AUTS2: variants seen among roughly 807,000 people sequenced by gnomAD.
AUTS2 encodes activator of transcription and developmental regulator AUTS2.
Under a neutral mutation model 112.4 loss-of-function variants are expected in AUTS2, and 17 were observed. That is an observed-to-expected ratio of 0.15 (90% CI 0.10 to 0.23). The LOEUF is 0.23. Ranked by LOEUF, AUTS2 falls within the 10% of genes least tolerant of loss-of-function variation. The pLI is 1.00. For missense variants in AUTS2, 1,510 were observed against 1,701.6 expected, an observed-to-expected ratio of 0.89 and a Z score of 1.98; for synonymous variants, 751 against 702.7, an observed-to-expected ratio of 1.07 and a Z score of -1.09.
intron 4 of AUTS2, among the ~76,000 whole-genome samples, chr7:70,379,776 C>A (rs887079133): frequency 1.3e-5 from 2 of 152,168 alleles, no homozygotes; most frequent in Admixed American, 1.3e-4. Context: ...CAGACTTGGT[C>A]TATTATGACA....
At chr7:70,298,572 T>C (rs1306176229) in intron 4 of AUTS2, among the ~76,000 whole-genome samples, 1 of 152,170 alleles carries the variant, frequency 6.6e-6, no homozygotes, top group African/African-American at 2.4e-5. Context: ...AGAGATAAAG[T>C]CCCAAGATAT....
chr7:70,265,014 G>A (rs374262558), intron 4 of AUTS2, among the ~76,000 whole-genome samples: 5 of 152,102 alleles, frequency 3.3e-5, no homozygotes, highest in East Asian at 3.9e-4. Context: ...AGAGTTCAAG[G>A]CATTCCCCTT....
In AUTS2 at chr7:70,314,899, A is replaced by G. The variant is rs547072197; in HGVS notation, c.661-120853A>G. On this transcript the variant is annotated intron_variant, in intron 4 of 18. Coordinates refer to ENST00000342771, the MANE Select transcript of AUTS2 (RefSeq NM_015570.4). Reference sequence around the variant, plus strand: ...CCTTGTACCTGCTGTCTTTTTCACCACTTCCCTCTCAGCTCATGAACTCTA... The same window carrying G: ...CCTTGTACCTGCTGTCTTTTTCACCGCTTCCCTCTCAGCTCATGAACTCTA... Among the ~76,000 whole-genome samples, 8 of 151,914 alleles carry G rather than the reference A, an allele frequency of 5.3e-5. No individual in the cohort carries two copies. The East Asian group carries it at 1.4e-3, about 26-fold the overall frequency.
intron 2 of AUTS2, among the ~76,000 whole-genome samples, chr7:70,047,881 CTT>C (rs937407648): frequency 2.0e-5 from 3 of 152,024 alleles, no homozygotes; most frequent in Admixed American, 2.0e-4. Flanking sequence ...GTAGAGTAGC[CTT>C]CAAGATTTGA....
chr7:69,679,173 G>GT (rs1796692094), intron 1 of AUTS2, among the ~76,000 whole-genome samples: 1 of 152,226 alleles, frequency 6.6e-6, no homozygotes, highest in African/African-American at 2.4e-5. Context: ...AGGCCAGAAT[G>GT]TTTGGCATTC....
intron 1 of AUTS2, among the ~76,000 whole-genome samples, chr7:69,688,853 A>G (rs895978807): frequency 6.6e-6 from 1 of 152,234 alleles, no homozygotes; most frequent in African/African-American, 2.4e-5. Context: ...TGATGTGTCC[A>G]TATCAACAAT....
At chr7:70,150,634 A>G (rs1340361604) in intron 4 of AUTS2, among the ~76,000 whole-genome samples, 1 of 152,206 alleles carries the variant, frequency 6.6e-6, no homozygotes, top group Non-Finnish European at 1.5e-5. Flanking sequence ...TCTGTGTTTA[A>G]CTGTACATTT....
intron 2 of AUTS2, among the ~76,000 whole-genome samples, chr7:70,030,250 T>C (rs1209129890): frequency 6.6e-6 from 1 of 152,220 alleles, no homozygotes; most frequent in African/African-American, 2.4e-5. Context: ...CATTGAATTG[T>C]ACAATGAATG....
At chr7:70,559,193 A>C (rs1028903597) in intron 5 of AUTS2, among the ~76,000 whole-genome samples, 1 of 152,118 alleles carries the variant, frequency 6.6e-6, no homozygotes, top group Non-Finnish European at 1.5e-5. Flanking sequence ...CATGATTGTG[A>C]GGCCTCCCCA....
chr7:70,279,660 A>G (rs1230897596), intron 4 of AUTS2, among the ~76,000 whole-genome samples: 1 of 152,232 alleles, frequency 6.6e-6, no homozygotes, highest in Admixed American at 6.5e-5. Flanking sequence ...CTACACTAAA[A>G]TTACGGAACT....
At chr7:69,849,433 C>T (rs145519144) in intron 1 of AUTS2, among the ~76,000 whole-genome samples, 75 of 152,130 alleles carry the variant, frequency 4.9e-4, no homozygotes, top group Admixed American at 1.9e-3. Flanking sequence ...CATTATGTAA[C>T]CATCACTGCA....
At chr7:70,219,903 C>G (rs1811386246) in intron 4 of AUTS2, among the ~76,000 whole-genome samples, 1 of 152,078 alleles carries the variant, frequency 6.6e-6, no homozygotes, top group Non-Finnish European at 1.5e-5. Flanking sequence ...AAGTATGCAT[C>G]AAAATAGCCA....
intron 5 of AUTS2, among the ~76,000 whole-genome samples, chr7:70,527,491 C>T (rs1349670307): frequency 6.6e-6 from 1 of 152,074 alleles, no homozygotes; most frequent in Admixed American, 6.6e-5. Flanking sequence ...ATTCTAGAAA[C>T]TTCTTCCTTT....
chr7:70,449,368 C>T (rs1796439350), intron 5 of AUTS2, among the ~76,000 whole-genome samples: 1 of 152,178 alleles, frequency 6.6e-6, no homozygotes, highest in Admixed American at 6.5e-5. Flanking sequence ...CTGAGATTAG[C>T]TCAGGAAAGG....
rs1350308719 is a variant in AUTS2 at position 70,694,946 on chromosome 7, GT to G, written c.691-3620del. ...CGTTTTCTCTTCGTGTGTTTTGGTG[GT>G]TTCCCCCCTGGTCTTTGACGATCGC... On this transcript the variant is annotated intron_variant, in intron 5 of 18. Coordinates refer to ENST00000342771, the MANE Select transcript of AUTS2 (RefSeq NM_015570.4). The surrounding 1 kb of genome is among the most constrained non-coding windows in gnomAD (Gnocchi z 4.1). 8 of 152,570 alleles carry G rather than the reference GT, an allele frequency of 5.2e-5. No homozygotes were observed. Among genetic ancestry groups the G allele is most frequent in the East Asian group, 1.9e-4 (1 of 5,152 alleles). The allele number at this position is 152,570 out of a possible 1,614,324, so 9.5% of individuals were successfully genotyped here.
chr7:70,425,742 C>T (rs1795407419), intron 4 of AUTS2, among the ~76,000 whole-genome samples: 1 of 152,110 alleles, frequency 6.6e-6, no homozygotes, highest in Non-Finnish European at 1.5e-5. Flanking sequence ...TATGTGAAAT[C>T]AGTGAAGAAT....
At chr7:70,583,679 T>C (rs558361281) in intron 5 of AUTS2, among the ~76,000 whole-genome samples, 33 of 152,340 alleles carry the variant, frequency 2.2e-4, no homozygotes, top group East Asian at 1.2e-3. Context: ...CATCCAAGGC[T>C]GCCCTCCAGG....
At chr7:70,218,195 A>T (rs1326120437) in intron 4 of AUTS2, among the ~76,000 whole-genome samples, 1 of 152,138 alleles carries the variant, frequency 6.6e-6, no homozygotes, top group Non-Finnish European at 1.5e-5. Context: ...AATTCCTCTA[A>T]TTCATCCACC....
At chr7:69,937,446 G>GC (rs1317831778) in intron 2 of AUTS2, among the ~76,000 whole-genome samples, 1 of 152,174 alleles carries the variant, frequency 6.6e-6, no homozygotes, top group Non-Finnish European at 1.5e-5. Flanking sequence ...AGGAGACATG[G>GC]CAGGGTCTGT....
Sources: gnomAD v4.1 joint callset for allele counts (sites outside exome capture counted in the v4.1 genomes callset) on GRCh38, gnomAD v4.1.1 for gene constraint, Gnocchi (gnomAD v3.1) non-coding constraint, MANE v1.5 for transcripts, NCBI Gene and HGNC (gene_info 2026-07-23, HGNC 2026-07-21) for gene names.